The following STMND1 variants were observed in gnomAD, a reference collection of about 807,000 sequenced individuals.
The protein encoded by STMND1 is stathmin domain containing 1.
STMND1 carries 17 observed loss-of-function variants against 23.0 expected under a neutral mutation model. The ratio of observed to expected loss-of-function variants is 0.74; its 90% confidence interval spans 0.51 to 1.11. The LOEUF (loss-of-function observed/expected upper bound fraction) is 1.11. Among genes scored for constraint, STMND1 ranks in the 50% least tolerant of loss-of-function variants. STMND1 has a pLI of 0.00. For synonymous variants in STMND1, 114 were observed against 119.9 expected (o/e 0.95, Z 0.32); for missense variants, 305 against 329.1 (o/e 0.93, Z 0.57).
At chr6:17,106,236 A>G (rs2113472391) in intron 1 of STMND1, among the ~76,000 whole-genome samples, 1 of 152,278 alleles carries the variant, frequency 6.6e-6, no homozygotes, top group Admixed American at 6.5e-5. Context: ...CTCTGCCACC[A>G]TGCTGGCAGG....
chr6:17,122,983 C>A (rs1761252406), intron 3 of STMND1, among the ~76,000 whole-genome samples: 1 of 152,028 alleles, frequency 6.6e-6, no homozygotes, highest in African/African-American at 2.4e-5. Context: ...GAAAGCAAGT[C>A]TGAGAGGAGG....
chr6:17,121,984 T>C (rs529950618), intron 3 of STMND1, among the ~76,000 whole-genome samples: 1 of 151,998 alleles, frequency 6.6e-6, no homozygotes, highest in East Asian at 1.9e-4. Context: ...TGCCTCAGCC[T>C]CCTAGGCAGC....
chr6:17,117,549 AGCTTTTCT>A (rs1465892477), intron 2 of STMND1, among the ~76,000 whole-genome samples: 1 of 151,832 alleles, frequency 6.6e-6, no homozygotes, highest in Non-Finnish European at 1.5e-5. Context: ...ACAACTCCTC[AGCTTTTCT>A]TAGTCTTTTA....
At chr6:17,119,127 T>C (rs1301480416) in intron 2 of STMND1, among the ~76,000 whole-genome samples, 1 of 152,204 alleles carries the variant, frequency 6.6e-6, no homozygotes, top group Non-Finnish European at 1.5e-5. Context: ...TATGACATGT[T>C]TTACTACCCC....
chr6:17,119,709 A>AG (rs1016115433), intron 2 of STMND1, among the ~76,000 whole-genome samples: 6 of 152,018 alleles, frequency 3.9e-5, no homozygotes, highest in Non-Finnish European at 7.4e-5. Flanking sequence ...TCAAAAAAAA[A>AG]AAAAGAAAAG....
At chr6:17,117,867 C>T (rs1407896929) in intron 2 of STMND1, among the ~76,000 whole-genome samples, 4 of 149,460 alleles carry the variant, frequency 2.7e-5, no homozygotes, top group Admixed American at 6.7e-5. Context: ...TTAGTAGAGA[C>T]GGAGTTTCAC....
In STMND1 at chr6:17,131,284, A is replaced by C. The variant is rs1761389426; in HGVS notation, c.*403A>C. ...AAAACAAATTGCATGGATTTGTATT[A>C]AGTATTTTAATGGCTTATATGTTTT... On this transcript the variant is annotated 3_prime_UTR_variant, in exon 5 of 5. Transcript: ENST00000536551. 6.1e-6 allele frequency: 1 copy of C among 164,196 alleles called. No homozygotes were observed. Among genetic ancestry groups the C allele is most frequent in the South Asian group, 2.0e-4 (1 of 5,056 alleles). The allele number at this position is 164,196 out of a possible 1,614,324, so 10.2% of individuals were successfully genotyped here. A position where few individuals can be genotyped will look rare whatever the true frequency, so the allele number is the denominator to read the frequency against.
At chr6:17,108,166 T>C (rs1181215929) in intron 1 of STMND1, among the ~76,000 whole-genome samples, 2 of 152,222 alleles carry the variant, frequency 1.3e-5, no homozygotes, top group Non-Finnish European at 2.9e-5. Flanking sequence ...TAAGAACAGA[T>C]GGGTAGAGAT....
chr6:17,115,113 G>A lies in STMND1; in HGVS notation c.233G>A (p.Ser78Asn), dbSNP rs980513851. The change falls in exon 2 of 5, where the codon AGT becomes AAT. Residue 78 changes from serine to asparagine, a missense_variant. By Grantham distance (46) the Ser-to-Asn change is conservative. Coordinates refer to ENST00000536551, the MANE Select transcript of STMND1 (RefSeq NM_001190766.2). ...GTISENSPSP[S>N]ERNRRVNSDL... ...ATTTCAGAAAATTCTCCATCTCCTA[G>A]TGAAAGAAACAGACGAGTAAATTCA... The A allele has an allele frequency of 2.0e-6, 3 of 1,535,448 alleles. No individual in the cohort carries two copies. The highest frequency in any genetic ancestry group is 3.9e-5 in the Admixed American group (2 of 50,880).
chr6:17,107,642 T>C (rs531857332), intron 1 of STMND1, among the ~76,000 whole-genome samples: 1 of 152,252 alleles, frequency 6.6e-6, no homozygotes, highest in African/African-American at 2.4e-5. Context: ...GTCACCCAAG[T>C]TGAAGTGCAG....
At chr6:17,127,191 T>C (rs1047571348) in intron 3 of STMND1, among the ~76,000 whole-genome samples, 1 of 152,262 alleles carries the variant, frequency 6.6e-6, no homozygotes, top group Non-Finnish European at 1.5e-5. Flanking sequence ...TCCCAAAATA[T>C]ATGTTATTAA....
intron 2 of STMND1, among the ~76,000 whole-genome samples, chr6:17,118,644 T>C (rs1761190267): frequency 6.6e-6 from 1 of 152,232 alleles, no homozygotes; most frequent in Non-Finnish European, 1.5e-5. Flanking sequence ...TTTTATTATG[T>C]TAGCGACAGA....
At chr6:17,129,382 T>A in intron 4 of STMND1, 139 bp downstream of exon 4, 1 of 923,140 alleles carries the variant, frequency 1.1e-6, no homozygotes, top group South Asian at 2.3e-5. Flanking sequence ...TTTTACTAAT[T>A]TTTTTAAAAG....
intron 2 of STMND1, among the ~76,000 whole-genome samples, chr6:17,116,816 GTA>G (rs1304994762): frequency 2.0e-5 from 3 of 152,124 alleles, no homozygotes; most frequent in African/African-American, 7.2e-5. Context: ...TTTTTATTTT[GTA>G]TAATTTCAGA....
At chr6:17,112,766 G>A (rs1023557741) in intron 1 of STMND1, among the ~76,000 whole-genome samples, 1 of 151,904 alleles carries the variant, frequency 6.6e-6, no homozygotes, top group Admixed American at 6.6e-5. Context: ...GACAGAGGGA[G>A]ACTCCGTCTC....
At chr6:17,116,595 A>G (rs1173744815) in intron 2 of STMND1, among the ~76,000 whole-genome samples, 1 of 151,918 alleles carries the variant, frequency 6.6e-6, no homozygotes, top group Non-Finnish European at 1.5e-5. Flanking sequence ...ATGCGCCACC[A>G]TGTCCAGCTA....
chr6:17,126,208 C>A (rs1182385699), intron 3 of STMND1, among the ~76,000 whole-genome samples: 19 of 149,864 alleles, frequency 1.3e-4, no homozygotes, highest in Admixed American at 8.6e-4. Context: ...TGAGCCACTG[C>A]GCCCAGCTCA....
intron 1 of STMND1, among the ~76,000 whole-genome samples, chr6:17,111,168 G>T (rs537360029): frequency 1.3e-5 from 2 of 152,224 alleles, no homozygotes; most frequent in Admixed American, 6.5e-5. Flanking sequence ...TGTCGTCAGT[G>T]GTTTACTAAA....
intron 3 of STMND1, among the ~76,000 whole-genome samples, chr6:17,126,061 TA>T (rs1561925750): frequency 5.1e-4 from 14 of 27,472 alleles, no homozygotes; most frequent in African/African-American, 1.0e-3. Context: ...TATATATATA[TA>T]TATATATATT....
Sources: gnomAD v4.1 joint callset for allele counts (sites outside exome capture counted in the v4.1 genomes callset) on GRCh38, gnomAD v4.1.1 for gene constraint, MANE v1.5 for transcripts, NCBI Gene and HGNC (gene_info 2026-07-23, HGNC 2026-07-21) for gene names.